Variants in RAB3GAP1 observed in about 807,000 individuals in gnomAD.
RAB3GAP1 encodes rab3 GTPase-activating protein catalytic subunit.
Under a neutral mutation model 130.7 loss-of-function variants are expected in RAB3GAP1, and 86 were observed. The ratio of observed to expected loss-of-function variants is 0.66; its 90% CI spans 0.55 to 0.79. RAB3GAP1 has a LOEUF of 0.79. RAB3GAP1 is among the 30% of genes least tolerant of loss of function. The probability of loss-of-function intolerance (pLI) is 0.00; values close to 1 mark genes in which losing one functional copy is unlikely to be tolerated. For synonymous variants in RAB3GAP1, 367 were observed against 401.7 expected (o/e 0.91, Z 1.03); for missense variants, 1,029 against 1,169.4 (o/e 0.88, Z 1.75).
At position 135,162,821 on chromosome 2, in the gene RAB3GAP1, C is replaced by T; in HGVS notation, c.2460C>T (p.His820=). Residue 820 remains histidine, a synonymous_variant, in exon 21 of 24, where the codon CAC becomes CAT. Coordinates refer to ENST00000264158, the MANE Select transcript of RAB3GAP1 (RefSeq NM_012233.3). Reference sequence around the variant, plus strand: ...TATCCCATTCCAGTAAAGTTTTGCACTTCCCCAATCCAGAAGACAAGAAAT... The same window carrying T: ...TATCCCATTCCAGTAAAGTTTTGCATTTCCCCAATCCAGAAGACAAGAAAT... ...QIISHSSKVL[H]FPNPEDKKLE... 6.2e-7 allele frequency: 1 copy of T among 1,613,162 alleles called. No homozygotes were observed. Among genetic ancestry groups the T allele is most frequent in the Non-Finnish European group, 8.5e-7 (1 of 1,179,110 alleles).
intron 3 of RAB3GAP1, among the ~76,000 whole-genome samples, chr2:135,090,166 G>A (rs1019917636): frequency 2.0e-5 from 3 of 152,058 alleles, no homozygotes; most frequent in African/African-American, 7.2e-5. Flanking sequence ...ATGTACTTAC[G>A]TAATAATACA....
intron 3 of RAB3GAP1, among the ~76,000 whole-genome samples, chr2:135,067,288 T>C (rs1050840907): frequency 6.6e-6 from 1 of 152,218 alleles, no homozygotes; most frequent in African/African-American, 2.4e-5. Context: ...TGCAGTGTTT[T>C]TGAAATTCAG....
chr2:135,131,600 G>A (rs1395686688), intron 13 of RAB3GAP1, among the ~76,000 whole-genome samples: 1 of 152,174 alleles, frequency 6.6e-6, no homozygotes, highest in East Asian at 1.9e-4. Context: ...ATGAGAGGGA[G>A]ATGAATAGAG....
intron 24 of RAB3GAP1, among the ~76,000 whole-genome samples, chr2:135,175,965 A>T (rs1692992583): frequency 6.6e-6 from 1 of 152,186 alleles, no homozygotes; most frequent in South Asian, 2.1e-4. Flanking sequence ...TATTTTGGTA[A>T]CATACCATTG....
intron 3 of RAB3GAP1, among the ~76,000 whole-genome samples, chr2:135,077,503 G>A (rs1013967819): frequency 6.6e-6 from 1 of 152,118 alleles, no homozygotes; most frequent in Non-Finnish European, 1.5e-5. Flanking sequence ...ACCAGCCTGG[G>A]CAACATAGCG....
At chr2:135,154,721 CAGGGAAGGGACTTGAA>C (rs1692263028) in intron 19 of RAB3GAP1, among the ~76,000 whole-genome samples, 1 of 151,940 alleles carries the variant, frequency 6.6e-6, no homozygotes, top group African/African-American at 2.4e-5. Context: ...GCACTTGCCA[CAGGGAAGGGACTTGAA>C]TGTAAACAGG....
rs568490433 is a variant in RAB3GAP1, at chr2:135,145,082, G to A, written c.1924-5287G>A. Among the ~76,000 whole-genome samples, 188 of 152,120 alleles carry A rather than the reference G, an allele frequency of 1.2e-3. 2 individuals carry two copies. The highest frequency in any genetic ancestry group is 4.0e-3 in the African/African-American group (165 of 41,496). The stretch of plus-strand genomic sequence containing the variant: ...TTTATTCTTTAAAATTTGCTTATTG[G>A]TACATAATATTTGTACATTTTTATG... On this transcript the variant is annotated intron_variant, in intron 17 of 23. Coordinates refer to ENST00000264158, the MANE Select transcript of RAB3GAP1 (RefSeq NM_012233.3).
chr2:135,139,869 C>G (rs1691787492), intron 17 of RAB3GAP1, among the ~76,000 whole-genome samples: 1 of 152,102 alleles, frequency 6.6e-6, no homozygotes, highest in African/African-American at 2.4e-5. Context: ...GCCCAGGATT[C>G]CCCTCCAGCA....
At chr2:135,063,040 A>C (rs1047145232) in intron 3 of RAB3GAP1, among the ~76,000 whole-genome samples, 1 of 152,204 alleles carries the variant, frequency 6.6e-6, no homozygotes, top group Non-Finnish European at 1.5e-5. Flanking sequence ...CTTCAGTGAC[A>C]TGTTGAGTAG....
rs1476504835 is a variant in RAB3GAP1 at position 135,169,764 on chromosome 2, C to G, written c.*983C>G. 2.2e-6 allele frequency: 1 copy of G among 455,720 alleles called. No individual in the cohort carries two copies. The highest frequency in any genetic ancestry group is 4.4e-6 in the Non-Finnish European group (1 of 226,488). 28.2% of individuals were successfully genotyped at this position (455,720 alleles called of 1,614,324 possible). A position where few individuals can be genotyped will look rare whatever the true frequency, so the allele number is the denominator to read the frequency against. The stretch of plus-strand genomic sequence containing the variant: ...ATAATCGATGGGGATGTGTAGCCCC[C>G]CCGTGTGAGGATGACATCACCACAT... On this transcript the variant is annotated 3_prime_UTR_variant, in exon 24 of 24. Coordinates refer to ENST00000264158, the MANE Select transcript of RAB3GAP1 (RefSeq NM_012233.3).
intron 19 of RAB3GAP1, among the ~76,000 whole-genome samples, chr2:135,158,800 G>A (rs1307966223): frequency 6.6e-6 from 1 of 152,164 alleles, no homozygotes; most frequent in Non-Finnish European, 1.5e-5. Flanking sequence ...CACCAATGAG[G>A]AGTAAATGGA....
intron 5 of RAB3GAP1, among the ~76,000 whole-genome samples, chr2:135,094,898 AATATT>A (rs575432073): frequency 3.3e-5 from 5 of 152,122 alleles, no homozygotes; most frequent in African/African-American, 4.8e-5. Flanking sequence ...ATGGCTGAAT[AATATT>A]ATATTGTGTA....
chr2:135,129,941 C>A, intron 11 of RAB3GAP1, 54 bp from the exon 12 acceptor site: 1 of 1,085,310 alleles, frequency 9.2e-7, no homozygotes, highest in Non-Finnish European at 1.4e-6. Flanking sequence ...ATTTATAGGA[C>A]TGATTTTTTT....
intron 3 of RAB3GAP1, chr2:135,058,905 T>C (rs534546415): frequency 6.6e-6 from 1 of 152,288 alleles, no homozygotes; most frequent in African/African-American, 2.4e-5. Flanking sequence ...ATTAATTCAA[T>C]AGTAATTTAA....
In RAB3GAP1 at chr2:135,113,190, A is replaced by C. The variant is rs1690867663; in HGVS notation, c.402A>C (p.Ala134=). The change falls in exon 6 of 24, where the codon GCA becomes GCC. Residue 134 remains alanine (A), a synonymous_variant. Transcript: ENST00000264158. ...AGTTCGTGGTGATTGCCCCTGCTGC[A>C]CACAGTGACGCTGTTCTCAGCGAAT... ...LREFVVIAPA[A]HSDAVLSESK... is the part of the protein sequence containing the mutation. The C allele has an allele frequency of 6.2e-7, 1 of 1,614,160 alleles. No homozygotes were observed. Among genetic ancestry groups the C allele is most frequent in the Non-Finnish European group, 8.5e-7 (1 of 1,180,014 alleles).
intron 17 of RAB3GAP1, among the ~76,000 whole-genome samples, chr2:135,147,537 C>T (rs1409656180): frequency 6.6e-6 from 1 of 151,960 alleles, no homozygotes; most frequent in Non-Finnish European, 1.5e-5. Flanking sequence ...TTCGAAAACA[C>T]TTGGCATGTA....
intron 23 of RAB3GAP1, chr2:135,167,648 C>G (rs1432148406): frequency 2.1e-6 from 3 of 1,450,698 alleles, no homozygotes; most frequent in African/African-American, 2.8e-5. Context: ...AACCATCTTG[C>G]TTGTTTCCCT....
chr2:135,157,846 A>T (rs903416424), intron 19 of RAB3GAP1, among the ~76,000 whole-genome samples: 1 of 151,776 alleles, frequency 6.6e-6, no homozygotes, highest in Non-Finnish European at 1.5e-5. Context: ...AAAAAAAAAA[A>T]AAACAAAAAC....
intron 17 of RAB3GAP1, among the ~76,000 whole-genome samples, chr2:135,149,975 C>A (rs1692126926): frequency 6.6e-6 from 1 of 152,134 alleles, no homozygotes; most frequent in Non-Finnish European, 1.5e-5. Context: ...GCAATTATTT[C>A]TATATCAAAC....
Sources: gnomAD v4.1 joint callset for allele counts (sites outside exome capture counted in the v4.1 genomes callset) on GRCh38, gnomAD v4.1.1 for gene constraint, MANE v1.5 for transcripts, NCBI Gene and HGNC (gene_info 2026-07-23, HGNC 2026-07-21) for gene names.